ANKRD50: variants seen among roughly 807,000 people sequenced by gnomAD.
ANKRD50 encodes the protein ankyrin repeat domain-containing protein 50.
ANKRD50 carries 40 observed loss-of-function variants against 112.0 expected under a neutral mutation model. The observed-to-expected ratio is 0.36, with a 90% CI of 0.28 to 0.46. The LOEUF (loss-of-function observed/expected upper bound fraction) is 0.46, where lower values mean the gene tolerates loss of function less well. Among genes scored for constraint, ANKRD50 ranks in the 20% least tolerant of loss-of-function variants. The probability of loss-of-function intolerance (pLI) is 1.00; values close to 1 mark genes in which losing one functional copy is unlikely to be tolerated. For synonymous variants in ANKRD50, 613 were observed against 619.1 expected (o/e 0.99, Z 0.15); for missense variants, 1,487 against 1,701.7 (o/e 0.87, Z 2.22).
Position 124,671,274 on chromosome 4 carries a change from G to C in ANKRD50, c.2003C>G (p.Ala668Gly). Residue 668 changes from alanine to glycine, a missense_variant, in exon 4 of 5, where the codon GCT becomes GGT. By Grantham distance (60) the Ala-to-Gly change is moderately conservative. Around this residue, in one of 2 missense-constraint regions of ANKRD50, gnomAD observed 1,046 missense variants for 1,269.5 expected, o/e 0.82. Coordinates refer to ENST00000504087, the MANE Select transcript of ANKRD50 (RefSeq NM_020337.3). ...TTCATTATCAGCTTTGTTCACTTCA[G>C]CGCCATGTTGTAGCAAATTCAGTAC... is the stretch of plus-strand genomic sequence containing the variant. ...DIVLNLLQHG[A>G]EVNKADNEGR... 1 of 1,613,762 alleles carries C rather than the reference G, an allele frequency of 6.2e-7. No individual in the cohort carries two copies. Among genetic ancestry groups the C allele is most frequent in the East Asian group, 2.2e-5 (1 of 44,844 alleles).
intron 2 of ANKRD50, among the ~76,000 whole-genome samples, chr4:124,680,019 G>A (rs1275965194): frequency 6.6e-6 from 1 of 152,094 alleles, no homozygotes; most frequent in Non-Finnish European, 1.5e-5. Flanking sequence ...TCCTCTGCCT[G>A]GCATGCACTT....
At chr4:124,678,637 G>T in intron 3 of ANKRD50, 39 bp downstream of exon 3, 1 of 1,558,814 alleles carries the variant, frequency 6.4e-7, no homozygotes, top group South Asian at 1.1e-5. Context: ...GTTCATTAAT[G>T]AAAAGCATTT....
At position 124,666,768 on chromosome 4, in the gene ANKRD50, G is replaced by A. The variant is rs1030757863; in HGVS notation, c.*750C>T. The A allele has an allele frequency of 6.6e-6, 1 of 152,384 alleles. No individual in the cohort carries two copies. The allele number at this position is 152,384 out of a possible 1,614,324, so 9.4% of individuals were successfully genotyped here. On this transcript the variant is annotated 3_prime_UTR_variant, in exon 5 of 5. Transcript: ENST00000504087. ...GACAAAGTGAATGGAAGATGAAATTGTATCCCAGCGGATGAAATAGGACTT... is the reference window on the plus strand; with the variant it reads ...GACAAAGTGAATGGAAGATGAAATTATATCCCAGCGGATGAAATAGGACTT...
intron 3 of ANKRD50, among the ~76,000 whole-genome samples, chr4:124,676,137 G>T (rs529803187): frequency 6.6e-6 from 1 of 151,558 alleles, no homozygotes; most frequent in African/African-American, 2.4e-5. Flanking sequence ...ACATATAGAA[G>T]GATAACTGGA....
In ANKRD50 at chr4:124,670,760, A is replaced by G. The variant is rs761302854; in HGVS notation, c.2517T>C (p.Asp839=). The change falls in exon 4 of 5, where the codon GAT becomes GAC. Residue 839 remains aspartate, a synonymous_variant. Transcript: ENST00000504087. ...ATCCAGCATCATCTCTGTGATTTTC[A>G]TCTAACCCTCTATCCAGTAGAGTAC... ...VVRTLLDRGL[D]ENHRDDAGWT... The G allele has an allele frequency of 1.2e-6, 2 of 1,613,764 alleles. No homozygotes were observed. Among genetic ancestry groups the G allele is most frequent in the East Asian group, 2.2e-5 (1 of 44,852 alleles).
At chr4:124,712,035 G>A (rs1479326675) in intron 1 of ANKRD50, among the ~76,000 whole-genome samples, 1 of 152,098 alleles carries the variant, frequency 6.6e-6, no homozygotes, top group African/African-American at 2.4e-5. Context: ...GATTCCCAGC[G>A]CCGGGCACCA....
At position 124,669,631 on chromosome 4, in the gene ANKRD50, C is replaced by T. The variant is rs745993211; in HGVS notation, c.3646G>A (p.Glu1216Lys). 2.5e-6 allele frequency: 4 copies of T among 1,613,294 alleles called. No individual in the cohort carries two copies. The highest frequency in any genetic ancestry group is 1.3e-5 in the African/African-American group (1 of 74,836). Residue 1216 changes from glutamate to lysine, a missense_variant, in exon 4 of 5, where the codon GAA becomes AAA. Transcript: ENST00000504087. ...GGCAATGAATGCTGCTGAATTTGTTCTGTAAATGACAAGTTATGAAAGCTA... is the reference window on the plus strand; with the variant it reads ...GGCAATGAATGCTGCTGAATTTGTTTTGTAAATGACAAGTTATGAAAGCTA... ...IDSFHNLSFT[E>K]QIQQHSLPRS...
At chr4:124,675,350 T>A (rs966772071) in intron 3 of ANKRD50, among the ~76,000 whole-genome samples, 37 of 151,904 alleles carry the variant, frequency 2.4e-4, no homozygotes, top group East Asian at 1.2e-3. Context: ...TTACTTATTA[T>A]CATGAAGAAC....
Position 124,670,568 on chromosome 4 carries a change from T to C in ANKRD50, c.2709A>G (p.Lys903=). 6.2e-7 allele frequency: 1 copy of C among 1,613,110 alleles called. No individual in the cohort carries two copies. Among genetic ancestry groups the C allele is most frequent in the Non-Finnish European group, 8.5e-7 (1 of 1,179,724 alleles). The change falls in exon 4 of 5, where the codon AAA becomes AAG. Residue 903 remains lysine (K), a synonymous_variant. Transcript: ENST00000504087. ...CATAACCTCTTTGATCAATGTTGGATTTGTTTTCCAGTAATATTTGAACAC... is the reference window on the plus strand; with the variant it reads ...CATAACCTCTTTGATCAATGTTGGACTTGTTTTCCAGTAATATTTGAACAC... ...YDCVQILLEN[K]SNIDQRGYDG...
rs561491660 is a variant in ANKRD50, at chr4:124,666,636, A to C, written c.*882T>G. The C allele has an allele frequency of 1.3e-5, 2 of 152,438 alleles. No homozygotes were observed. Among genetic ancestry groups the C allele is most frequent in the African/African-American group, 4.8e-5 (2 of 41,442 alleles). The allele number at this position is 152,438 out of a possible 1,614,324, so 9.4% of individuals were successfully genotyped here. On this transcript the variant is annotated 3_prime_UTR_variant, in exon 5 of 5. Coordinates refer to ENST00000504087, the MANE Select transcript of ANKRD50 (RefSeq NM_020337.3). ...TCAGGGATCAAAAATCTACCCTTAG[A>C]TAGACAGGTGCATTTCTCTCTGCAC...
chr4:124,676,428 T>C (rs1047810867), intron 3 of ANKRD50, among the ~76,000 whole-genome samples: 1 of 151,606 alleles, frequency 6.6e-6, no homozygotes, highest in Non-Finnish European at 1.5e-5. Context: ...CAACATTTTA[T>C]TTGCATAATA....
At position 124,670,666 on chromosome 4, in the gene ANKRD50, C is replaced by T. The variant is rs1192035045; in HGVS notation, c.2611G>A (p.Ala871Thr). Residue 871 changes from alanine to threonine, a missense_variant, in exon 4 of 5, where the codon GCT (alanine) becomes ACT (threonine). Around this residue, in one of 2 missense-constraint regions of ANKRD50, gnomAD observed 1,046 missense variants for 1,269.5 expected, o/e 0.82. Coordinates refer to ENST00000504087, the MANE Select transcript of ANKRD50 (RefSeq NM_020337.3). ...LICEALIEQG[A>T]RTNEIDNDGR... ...TCATTGTCAATCTCATTTGTTCTAG[C>T]ACCTTGTTCAATAAGTGCTTCACAT... 6.2e-7 allele frequency: 1 copy of T among 1,613,264 alleles called. No homozygotes were observed.
Position 124,671,239 on chromosome 4 carries a change from C to T in ANKRD50, c.2038G>A (p.Ala680Thr), listed in dbSNP as rs1226330662. The T allele has an allele frequency of 6.2e-7, 1 of 1,613,772 alleles. No individual in the cohort carries two copies. Among genetic ancestry groups the T allele is most frequent in the Non-Finnish European group, 8.5e-7 (1 of 1,179,874 alleles). Residue 680 changes from alanine to threonine, a missense_variant, in exon 4 of 5, where the codon GCT becomes ACT. Coordinates refer to ENST00000504087, the MANE Select transcript of ANKRD50 (RefSeq NM_020337.3). ...CCCATGTATGCTGCTGCTATCAAAG[C>T]AGTTCTACCTTCATTATCAGCTTTG... ...VNKADNEGRT[A>T]LIAAAYMGHR...
chr4:124,708,728 A>G (rs1008388387), intron 2 of ANKRD50, among the ~76,000 whole-genome samples: 2 of 150,562 alleles, frequency 1.3e-5, no homozygotes, highest in Non-Finnish European at 3.0e-5. Flanking sequence ...ACATACACAC[A>G]CACACATTTA....
At chr4:124,690,401 C>CGT (rs1329927468) in intron 2 of ANKRD50, among the ~76,000 whole-genome samples, 2 of 152,150 alleles carry the variant, frequency 1.3e-5, no homozygotes, top group East Asian at 3.8e-4. Flanking sequence ...AAATTACCAG[C>CGT]TAACCTTTGA....
rs959110794 is a variant in ANKRD50, at chr4:124,710,637, A to G, written c.-126T>C. The G allele has an allele frequency of 5.2e-6, 6 of 1,153,540 alleles. No individual in the cohort carries two copies. In the South Asian group the frequency reaches 8.9e-5, roughly 17 times the overall value. The allele number at this position is 1,153,540 out of a possible 1,614,324, so 71.5% of individuals were successfully genotyped here. ...GAGTAACTAGTTACAGTAAAATTCAACAGCCACAGAGTTCCTCTGTCAACA... is the reference window on the plus strand; with the variant it reads ...GAGTAACTAGTTACAGTAAAATTCAGCAGCCACAGAGTTCCTCTGTCAACA... On this transcript the variant is annotated 5_prime_UTR_variant, in exon 2 of 5. Coordinates refer to ENST00000504087, the MANE Select transcript of ANKRD50 (RefSeq NM_020337.3).
At chr4:124,693,633 T>G (rs531972235) in intron 2 of ANKRD50, among the ~76,000 whole-genome samples, 2 of 152,240 alleles carry the variant, frequency 1.3e-5, no homozygotes, top group South Asian at 4.1e-4. Context: ...ATTTAATGGT[T>G]TTCAATTGTC....
At chr4:124,668,883 A>T in intron 4 of ANKRD50, 101 bp downstream of exon 4, 1 of 1,078,034 alleles carries the variant, frequency 9.3e-7, no homozygotes, top group Non-Finnish European at 1.3e-6. Context: ...ATCTGAGTAG[A>T]GATTAACTGA....
Position 124,670,396 on chromosome 4 carries a change from T to A in ANKRD50, c.2881A>T (p.Met961Leu), listed in dbSNP as rs368801520. ...YILALENQLTMAEYFLENGAN... is the reference protein window; with the variant it reads ...YILALENQLTLAEYFLENGAN... Reference sequence around the variant, plus strand: ...CCATTTTCTAAAAAATATTCGGCCATTGTAAGCTGATTTTCTAAGGCCAAG... The same window carrying A: ...CCATTTTCTAAAAAATATTCGGCCAATGTAAGCTGATTTTCTAAGGCCAAG... The change falls in exon 4 of 5, where the codon ATG becomes TTG. Residue 961 changes from methionine (M) to leucine (L), a missense_variant. Met to Leu is a conservative substitution (Grantham distance 15). Around this residue, in one of 2 missense-constraint regions of ANKRD50, gnomAD observed 1,046 missense variants for 1,269.5 expected, o/e 0.82. Coordinates refer to ENST00000504087, the MANE Select transcript of ANKRD50 (RefSeq NM_020337.3). 5 of 1,613,764 alleles carry A rather than the reference T, an allele frequency of 3.1e-6. No homozygotes were observed. Among genetic ancestry groups the A allele is most frequent in the Non-Finnish European group, 4.2e-6 (5 of 1,179,904 alleles).
Sources: allele counts gnomAD v4.1 joint callset (sites outside exome capture counted in the v4.1 genomes callset), GRCh38; gene constraint gnomAD v4.1.1; regional missense constraint gnomAD v4.1.1; transcripts MANE v1.5; gene names NCBI Gene and HGNC (gene_info 2026-07-23, HGNC 2026-07-21).